SPIDR: variants seen among roughly 807,000 people sequenced by gnomAD.
SPIDR encodes DNA repair-scaffolding protein.
A neutral mutation model predicts 104.6 loss-of-function variants in SPIDR; 93 were observed. The ratio of observed to expected loss-of-function variants is 0.89; its 90% CI spans 0.75 to 1.06. The LOEUF (loss-of-function observed/expected upper bound fraction) is 1.06, where lower values mean the gene tolerates loss of function less well. SPIDR is among the 50% of genes least tolerant of loss of function. SPIDR has a pLI of 0.00. For missense variants in SPIDR, 1,154 were observed against 1,111.2 expected, an observed-to-expected ratio of 1.04 and a Z score of -0.55; for synonymous variants, 431 against 416.9, an observed-to-expected ratio of 1.03 and a Z score of -0.41.
chr8:47,735,253 G>C (rs894256466), intron 19 of SPIDR, 54 bp from the exon 20 acceptor site: 2 of 1,573,024 alleles, frequency 1.3e-6, no homozygotes, highest in Non-Finnish European at 1.7e-6. Context: ...GTGTTGTTGG[G>C]AACAGTACGT....
At chr8:47,404,795 C>T (rs557505309) in intron 6 of SPIDR, among the ~76,000 whole-genome samples, 6 of 152,260 alleles carry the variant, frequency 3.9e-5, no homozygotes, top group East Asian at 1.9e-4. Context: ...GACAGTGTGG[C>T]GATTCCTCAA....
In SPIDR at chr8:47,717,910, G is replaced by A. The variant is rs190734986; in HGVS notation, c.2341+4269G>A. ...GCACAAGATGCCATTCCTAACACTC[G>A]GCTGCTGCCTTCAGACCTCTGTGGG... On this transcript the variant is annotated intron_variant, in intron 16 of 19. Coordinates refer to ENST00000297423, the MANE Select transcript of SPIDR (RefSeq NM_001080394.4). 4.6e-5 allele frequency among the ~76,000 whole-genome samples: 7 copies of A among 152,234 alleles called. No individual in the cohort carries two copies. The South Asian group carries it at 8.3e-4, about 18-fold the overall frequency.
intron 10 of SPIDR, among the ~76,000 whole-genome samples, chr8:47,647,161 C>A (rs1327186567): frequency 2.0e-5 from 3 of 152,118 alleles, no homozygotes; most frequent in Admixed American, 2.0e-4. Context: ...AACATTTATC[C>A]ATTCAACAAA....
chr8:47,646,403 C>G (rs372877945), intron 10 of SPIDR, among the ~76,000 whole-genome samples: 1 of 152,122 alleles, frequency 6.6e-6, no homozygotes, highest in South Asian at 2.1e-4. Context: ...GCTCTTTGAC[C>G]CAGCACTTCT....
chr8:47,696,694 A>C (rs1284518579), intron 11 of SPIDR, among the ~76,000 whole-genome samples: 1 of 152,180 alleles, frequency 6.6e-6, no homozygotes, highest in African/African-American at 2.4e-5. Flanking sequence ...TGTCTGCTTC[A>C]GCACCCACAC....
intron 5 of SPIDR, among the ~76,000 whole-genome samples, chr8:47,393,558 C>CT (rs1455356914): frequency 6.6e-6 from 1 of 152,162 alleles, no homozygotes; most frequent in African/African-American, 2.4e-5. Context: ...CTCTCTCTGC[C>CT]TAATTAATCC....
At chr8:47,455,980 A>AAATAAAGGAAAT (rs1586008817) in intron 8 of SPIDR, among the ~76,000 whole-genome samples, 8 of 152,168 alleles carry the variant, frequency 5.3e-5, no homozygotes, top group Admixed American at 4.6e-4. Flanking sequence ...TAAAGGATTC[A>AAATAAAGGAAAT]ACAGCTGTAT....
At chr8:47,322,556 A>C (rs1476475600) in intron 5 of SPIDR, among the ~76,000 whole-genome samples, 3 of 152,208 alleles carry the variant, frequency 2.0e-5, no homozygotes, top group Non-Finnish European at 4.4e-5. Context: ...TAGAACTAGA[A>C]ATACCATTTG....
chr8:47,308,164 C>G (rs944168448), intron 5 of SPIDR, among the ~76,000 whole-genome samples: 1 of 151,634 alleles, frequency 6.6e-6, no homozygotes, highest in East Asian at 2.0e-4. Context: ...TGGGTTCAGC[C>G]GATTCTCCTG....
chr8:47,408,651 C>T (rs1554668999), intron 7 of SPIDR, among the ~76,000 whole-genome samples: 1 of 152,146 alleles, frequency 6.6e-6, no homozygotes, highest in Admixed American at 6.6e-5. Context: ...AGAGGTAAAG[C>T]TGTCTCCGTT....
intron 7 of SPIDR, among the ~76,000 whole-genome samples, chr8:47,414,124 T>C (rs1423398586): frequency 3.9e-5 from 6 of 152,220 alleles, no homozygotes; most frequent in Non-Finnish European, 8.8e-5. Context: ...ATTGTGGAAC[T>C]GTATAGGATG....
intron 10 of SPIDR, among the ~76,000 whole-genome samples, chr8:47,640,171 A>G (rs2068640914): frequency 6.6e-6 from 1 of 152,180 alleles, no homozygotes; most frequent in Non-Finnish European, 1.5e-5. Context: ...CATTCCTGCC[A>G]TTTAATGCTG....
intron 8 of SPIDR, among the ~76,000 whole-genome samples, chr8:47,581,367 ATAT>A (rs1254515147): frequency 6.6e-6 from 1 of 152,180 alleles, no homozygotes; most frequent in African/African-American, 2.4e-5. Context: ...TCCTAAGTAG[ATAT>A]TAGTAAGTTT....
chr8:47,371,575 G>A (rs1263862343), intron 5 of SPIDR, among the ~76,000 whole-genome samples: 7 of 152,062 alleles, frequency 4.6e-5, no homozygotes, highest in African/African-American at 1.7e-4. Context: ...TGCTTATAAA[G>A]CTCCACTCTC....
chr8:47,591,367 T>A (rs2060990221), intron 8 of SPIDR, among the ~76,000 whole-genome samples: 1 of 151,792 alleles, frequency 6.6e-6, no homozygotes, highest in Non-Finnish European at 1.5e-5. Flanking sequence ...TGGGTCAAAA[T>A]TTTACCAGTT....
chr8:47,628,373 G>A (rs1166526083), intron 10 of SPIDR, among the ~76,000 whole-genome samples: 1 of 152,138 alleles, frequency 6.6e-6, no homozygotes, highest in Non-Finnish European at 1.5e-5. Context: ...TTCATGGGTA[G>A]AATTCTGACT....
At chr8:47,507,158 G>A (rs1222167894) in intron 8 of SPIDR, among the ~76,000 whole-genome samples, 1 of 152,216 alleles carries the variant, frequency 6.6e-6, no homozygotes, top group Non-Finnish European at 1.5e-5. Context: ...GCCACCTGCT[G>A]CCAGCTCCTC....
chr8:47,709,555 CGTG>C (rs2081557290), intron 14 of SPIDR, among the ~76,000 whole-genome samples: 1 of 152,104 alleles, frequency 6.6e-6, no homozygotes, highest in Non-Finnish European at 1.5e-5. Flanking sequence ...GGATTACAGG[CGTG>C]AGCCACCATG....
chr8:47,302,912 C>T (rs2042413873), intron 5 of SPIDR, among the ~76,000 whole-genome samples: 1 of 152,196 alleles, frequency 6.6e-6, no homozygotes, highest in Admixed American at 6.5e-5. Context: ...CTTGAGGAGG[C>T]AGTGTGTCCG....
Sources: allele counts gnomAD v4.1 joint callset (sites outside exome capture counted in the v4.1 genomes callset), GRCh38; gene constraint gnomAD v4.1.1; transcripts MANE v1.5; gene names NCBI Gene and HGNC (gene_info 2026-07-23, HGNC 2026-07-21).